COL6A1: variants seen among roughly 807,000 people sequenced by gnomAD.
COL6A1 encodes collagen type VI alpha 1 chain, also known as collagen alpha-1(VI) chain.
In COL6A1, 80 loss-of-function variants were observed where a neutral mutation model predicts 145.6. That is an observed-to-expected ratio of 0.55 (90% CI 0.46 to 0.66). The LOEUF is 0.66. COL6A1 is among the 30% of genes least tolerant of loss of function. COL6A1 has a pLI of 0.00. For missense variants in COL6A1, 1,364 were observed against 1,473.8 expected (o/e 0.93, Z 1.22); for synonymous variants, 638 against 622.8 (o/e 1.02, Z -0.36).
chr21:45,981,975 C>T (rs745886560), intron 1 of COL6A1, 28 bp downstream of exon 1: 1 of 1,547,262 alleles, frequency 6.5e-7, no homozygotes, highest in Non-Finnish European at 8.8e-7. Flanking sequence ...GTGCAGGCTC[C>T]AGACCCCCCG....
At position 45,994,173 on chromosome 21, in the gene COL6A1, G is replaced by C. The variant is rs886057153; in HGVS notation, c.1342G>C (p.Ala448Pro). ...ACGGCTCGTTTCTCTTCAGGGTGAA[G>C]CTGGCCCGCAGGGTGATCAGGGAAG... ...TRGPRGDPGE[A>P]GPQGDQGREG... Residue 448 changes from alanine to proline, a missense_variant, in exon 20 of 35, where the codon GCT becomes CCT. By Grantham distance (27) the Ala-to-Pro change is conservative. This residue lies in a region of COL6A1 where 938 missense variants were observed against 1,003.8 expected (regional missense o/e 0.93). Transcript: ENST00000361866. The surrounding 1 kb of genome is among the most constrained non-coding windows in gnomAD (Gnocchi z 6.8). 1 of 1,602,104 alleles carries C rather than the reference G, an allele frequency of 6.2e-7. No homozygotes were observed. The highest frequency in any genetic ancestry group is 1.3e-5 in the African/African-American group (1 of 74,812).
Position 45,997,744 on chromosome 21 carries a change from G to T in COL6A1, c.1506G>T (p.Pro502=). The T allele has an allele frequency of 1.3e-6, 2 of 1,594,042 alleles. No homozygotes were observed. Among genetic ancestry groups the T allele is most frequent in the East Asian group, 2.3e-5 (1 of 43,902 alleles). ...GACCTGCCGGACCCCCTGGAGACCCGGGGCTGATGGGTGAAAGGGTGAGTG... is the reference window on the plus strand; with the variant it reads ...GACCTGCCGGACCCCCTGGAGACCCTGGGCTGATGGGTGAAAGGGTGAGTG... ...APGPAGPPGD[P]GLMGERGEDG... Residue 502 remains proline (P), a synonymous_variant, in exon 22 of 35, where the codon CCG becomes CCT. Coordinates refer to ENST00000361866, the MANE Select transcript of COL6A1 (RefSeq NM_001848.3).
chr21:45,999,547 C>T, intron 26 of COL6A1, 110 bp from the exon 27 acceptor site: 2 of 1,166,640 alleles, frequency 1.7e-6, no homozygotes, highest in Non-Finnish European at 2.5e-6. Flanking sequence ...AGGGACCGGG[C>T]AGGGGTGGGC....
At chr21:45,983,489 C>A (rs1327265730) in intron 2 of COL6A1, among the ~76,000 whole-genome samples, 2 of 152,162 alleles carry the variant, frequency 1.3e-5, no homozygotes, top group East Asian at 3.9e-4. Flanking sequence ...TCCTCCTTGA[C>A]CCTGCTGACT....
In COL6A1 at chr21:45,992,342, G is replaced by A. The variant is rs548126574; in HGVS notation, c.1237-21G>A. 1.9e-5 allele frequency: 30 copies of A among 1,613,762 alleles called. No homozygotes were observed. In the Admixed American group the frequency reaches 2.0e-4, roughly 11 times the overall value. ...GTGTGTCCACCAGACTAACGCCGGC[G>A]TCTGTTTCTCTTCATCCCAGGGGAA... On this transcript the variant is annotated intron_variant, in intron 17 of 34. Coordinates refer to ENST00000361866, the MANE Select transcript of COL6A1 (RefSeq NM_001848.3).
chr21:45,983,616 C>A (rs1381209227), intron 2 of COL6A1, among the ~76,000 whole-genome samples: 3 of 151,992 alleles, frequency 2.0e-5, no homozygotes, highest in Admixed American at 2.0e-4. Flanking sequence ...GTACCAGGAA[C>A]CCTGAGCTTA....
intron 8 of COL6A1, 93 bp from the exon 9 acceptor site, chr21:45,988,991 C>T: frequency 1.4e-6 from 2 of 1,473,434 alleles, no homozygotes; most frequent in Non-Finnish European, 9.3e-7. Flanking sequence ...TCCCTGAAGG[C>T]TGGATGAAGC....
rs1215747703 is a variant in COL6A1, at chr21:46,001,969, A to G, written c.1965A>G (p.Pro655=). 1.2e-6 allele frequency: 2 copies of G among 1,612,402 alleles called. No individual in the cohort carries two copies. Among genetic ancestry groups the G allele is most frequent in the East Asian group, 2.2e-5 (1 of 44,856 alleles). Residue 655 remains proline, a synonymous_variant, in exon 31 of 35, where the codon CCA becomes CCG. Coordinates refer to ENST00000361866, the MANE Select transcript of COL6A1 (RefSeq NM_001848.3). ...CGGTGCCGGTCCCACAGTTCGAGCC[A>G]GGGCAGTCGTACGCGGGTGTGGTGC... ...LSRDELVKFE[P]GQSYAGVVQY...
At chr21:45,999,861 C>CGTGAAGATTATAGGGGGACGT (rs1189768702) in intron 27 of COL6A1, among the ~76,000 whole-genome samples, 169 bp downstream of exon 27, 1 of 56,318 alleles carries the variant, frequency 1.8e-5, no homozygotes, top group East Asian at 4.1e-4. Context: ...TGGGAGGACC[C>CGTGAAGATTATAGGGGGACGT]GTGAGGATCA....
chr21:45,997,762 G>A lies in COL6A1; in HGVS notation c.1524G>A (p.Arg508=), dbSNP rs1291786425. The A allele has an allele frequency of 6.3e-7, 1 of 1,589,128 alleles. No individual in the cohort carries two copies. Among genetic ancestry groups the A allele is most frequent in the Admixed American group, 1.8e-5 (1 of 57,010 alleles). Residue 508 remains arginine, a splice_region_variant and synonymous_variant, in exon 22 of 35, where the codon AGG becomes AGA. Coordinates refer to ENST00000361866, the MANE Select transcript of COL6A1 (RefSeq NM_001848.3). ...PPGDPGLMGE[R]GEDGPAGNGT... is the part of the protein sequence containing the mutation. Reference sequence around the variant, plus strand: ...GAGACCCGGGGCTGATGGGTGAAAGGGTGAGTGTCCAACAGCTCGGGCCCT... The same window carrying A: ...GAGACCCGGGGCTGATGGGTGAAAGAGTGAGTGTCCAACAGCTCGGGCCCT...
At position 46,003,123 on chromosome 21, in the gene COL6A1, A is replaced by G. The variant is rs770703803; in HGVS notation, c.2438A>G (p.Lys813Arg). ...GCACGGCTTTTCTCTTTTACAGACA[A>G]GAAGTGTCCAGATTACACCTGCCCC... The part of the protein sequence containing the change: ...KNVTAQICID[K>R]KCPDYTCPIT... The change falls in exon 34 of 35, where the codon AAG (lysine) becomes AGG (arginine). Residue 813 changes from lysine to arginine, a missense_variant. By Grantham distance (26) the Lys-to-Arg change is conservative (BLOSUM62 2). Transcript: ENST00000361866. The G allele has an allele frequency of 3.0e-5, 49 of 1,613,948 alleles. No individual in the cohort carries two copies. The East Asian group carries it at 1.0e-3, about 34-fold the overall frequency.
intron 4 of COL6A1, 125 bp from the exon 5 acceptor site, chr21:45,986,819 G>T (rs1207677462): frequency 1.3e-6 from 2 of 1,520,256 alleles, no homozygotes; most frequent in East Asian, 4.9e-5. Flanking sequence ...GCCCCTGAGA[G>T]GCCAGCCCCT....
chr21:45,992,911 C>A (rs2077785064), intron 19 of COL6A1, 101 bp downstream of exon 19: 2 of 1,088,814 alleles, frequency 1.8e-6, no homozygotes, highest in Non-Finnish European at 1.4e-6. Context: ...TCATGAAGCC[C>A]CTGTGGCCCC....
intron 3 of COL6A1, among the ~76,000 whole-genome samples, chr21:45,986,139 G>A (rs955392682): frequency 4.6e-5 from 7 of 152,136 alleles, no homozygotes; most frequent in Non-Finnish European, 1.0e-4. Context: ...CAAGAGCCAC[G>A]GTGACCGAGC....
chr21:45,987,706 G>A (rs377616383), intron 8 of COL6A1, 52 bp downstream of exon 8: 113 of 1,569,594 alleles, frequency 7.2e-5, no homozygotes, highest in East Asian at 4.7e-4. Flanking sequence ...GGGAGTGGGG[G>A]TGGCAGGACC....
At position 45,987,161 on chromosome 21, in the gene COL6A1, A is replaced by C; in HGVS notation, c.724A>C (p.Asn242His). ...IDTIVDMIKNNVEQVCCSFEC... is the reference protein window; with the variant it reads ...IDTIVDMIKNHVEQVCCSFEC... ...TTTCCATTTCTCTTTCCAGAAAAAT[A>C]ACGTGGAGCAAGTGGTAAGAGCCCT... Residue 242 changes from asparagine (N) to histidine (H), a missense_variant, in exon 6 of 35, where the codon AAC (asparagine) becomes CAC (histidine). Asn to His is a moderately conservative substitution (Grantham distance 68, BLOSUM62 1). This residue lies in a region of COL6A1 where 414 missense variants were observed against 437.6 expected (regional missense o/e 0.95). Transcript: ENST00000361866. 1 of 1,598,184 alleles carries C rather than the reference A, an allele frequency of 6.3e-7. No homozygotes were observed. The highest frequency in any genetic ancestry group is 8.5e-7 in the Non-Finnish European group (1 of 1,176,534).
intron 20 of COL6A1, among the ~76,000 whole-genome samples, chr21:45,996,432 T>C (rs2077804977): frequency 6.6e-6 from 1 of 152,174 alleles, no homozygotes; most frequent in Non-Finnish European, 1.5e-5. Context: ...AGCAATACAC[T>C]AGATGCCTCC....
chr21:45,997,614 A>G lies in COL6A1; in HGVS notation c.1462-86A>G, dbSNP rs967430694. On this transcript the variant is annotated intron_variant, in intron 21 of 34. Coordinates refer to ENST00000361866, the MANE Select transcript of COL6A1 (RefSeq NM_001848.3). ...CCTGGGTGTCCTGGCTCCCGATGGGACCTCTCCCGGCCCCAGGAGGGCCCT... is the reference window on the plus strand; with the variant it reads ...CCTGGGTGTCCTGGCTCCCGATGGGGCCTCTCCCGGCCCCAGGAGGGCCCT... The G allele has an allele frequency of 6.5e-6, 10 of 1,538,496 alleles. No homozygotes were observed. The Admixed American group carries it at 1.7e-4, about 26-fold the overall frequency.
chr21:45,997,569 C>A, intron 21 of COL6A1, 86 bp downstream of exon 21: 1 of 1,543,050 alleles, frequency 6.5e-7, no homozygotes, highest in Non-Finnish European at 8.9e-7. Flanking sequence ...TGGCCCCGTG[C>A]CCTCTGAGGA....
Sources: gnomAD v4.1 joint callset for allele counts (sites outside exome capture counted in the v4.1 genomes callset) on GRCh38, gnomAD v4.1.1 for gene constraint, gnomAD v4.1.1 regional missense constraint, Gnocchi (gnomAD v3.1) non-coding constraint, MANE v1.5 for transcripts, NCBI Gene and HGNC (gene_info 2026-07-23, HGNC 2026-07-21) for gene names.